Variants in MAOA observed in about 807,000 individuals in gnomAD.
MAOA encodes monoamine oxidase A.
MAOA carries 6 observed loss-of-function variants against 42.0 expected under a neutral mutation model. That is an observed-to-expected ratio of 0.14 (90% CI 0.08 to 0.28). The LOEUF (loss-of-function observed/expected upper bound fraction) is 0.28, where lower values mean the gene tolerates loss of function less well. MAOA is among the 10% of genes least tolerant of loss of function. MAOA has a pLI of 1.00. For missense variants in MAOA, 262 were observed against 422.3 expected (o/e 0.62, Z 3.33); for synonymous variants, 140 against 154.0 (o/e 0.91, Z 0.67).
intron 1 of MAOA, among the ~76,000 whole-genome samples, chrX:43,666,731 TG>T (rs2033281937): frequency 9.0e-6 from 1 of 111,149 alleles, no homozygotes; most frequent in South Asian, 3.8e-4. Flanking sequence ...CCTAGAGTTT[TG>T]ATGTGGTCTA....
Position 43,745,638 on chromosome X carries a change from C to T in MAOA, c.*1125C>T, listed in dbSNP as rs1237848654. The T allele has an allele frequency of 9.0e-6, 1 of 111,172 alleles. No homozygotes were observed. Among genetic ancestry groups the T allele is most frequent in the Non-Finnish European group, 1.9e-5 (1 of 53,010 alleles). The allele number at this position is 111,172 out of a possible 1,213,427, so 9.2% of individuals were successfully genotyped here. A position where few individuals can be genotyped will look rare whatever the true frequency, so the allele number is the denominator to read the frequency against. On this transcript the variant is annotated 3_prime_UTR_variant, in exon 15 of 15. Coordinates refer to ENST00000338702, the MANE Select transcript of MAOA (RefSeq NM_000240.4). The stretch of plus-strand genomic sequence containing the variant: ...CTCTAATTTCCTTAAAGCAAGCTCA[C>T]TTGCTTTAGTTGTTAAGTTTTATAA...
chrX:43,686,938 A>G (rs192943992), intron 2 of MAOA, among the ~76,000 whole-genome samples: 1 of 112,421 alleles, frequency 8.9e-6, no homozygotes, highest in Admixed American at 9.4e-5. Flanking sequence ...AAAAGCTACT[A>G]TGGATCTCTG....
rs1601951478 is a variant in MAOA, at chrX:43,744,116, A to G, written c.1382A>G (p.Asn461Ser). The part of the protein sequence containing the change: ...AGERAAREVL[N>S]GLGKVTEKDI... ...ATGGTGACTTTCTTTCAGGTCTTAA[A>G]TGGTCTCGGGAAGGTGACCGAGAAA... Residue 461 changes from asparagine (N) to serine (S), a missense_variant, in exon 14 of 15, where the codon AAT (asparagine) becomes AGT (serine). This residue lies in a region of MAOA where 86 missense variants were observed against 190.3 expected (regional missense o/e 0.45). Coordinates refer to ENST00000338702, the MANE Select transcript of MAOA (RefSeq NM_000240.4). The G allele has an allele frequency of 1.7e-6, 2 of 1,206,965 alleles. No individual in the cohort carries two copies. Among genetic ancestry groups the G allele is most frequent in the East Asian group, 3.0e-5 (1 of 33,713 alleles).
chrX:43,742,033 G>A lies in MAOA; in HGVS notation c.1248G>A (p.Met416Ile), dbSNP rs772161607. The change falls in exon 12 of 15, where the codon ATG (methionine) becomes ATA (isoleucine). Residue 416 changes from methionine (M) to isoleucine (I), a missense_variant. Around this residue, in one of 3 missense-constraint regions of MAOA, gnomAD observed 86 missense variants for 190.3 expected, o/e 0.45. Transcript: ENST00000338702. ...CYTAYFPPGI[M>I]TQYGRVIRQP... ...CGGCCTACTTCCCTCCTGGGATCAT[G>A]ACTCAATATGGAAGGTATTACGCAA... The A allele has an allele frequency of 2.9e-5, 35 of 1,209,823 alleles. No individual in the cohort carries two copies. In the African/African-American group the frequency reaches 4.4e-4, roughly 15 times the overall value.
chrX:43,687,732 C>T (rs939962555), intron 2 of MAOA, among the ~76,000 whole-genome samples: 2 of 112,700 alleles, frequency 1.8e-5, no homozygotes, highest in African/African-American at 6.5e-5. Flanking sequence ...GACTTCTGAT[C>T]TTCCTTAAGG....
At chrX:43,740,640 C>T in intron 10 of MAOA, 41 bp from the exon 11 acceptor site, 3 of 1,111,622 alleles carry the variant, frequency 2.7e-6, no homozygotes, top group Non-Finnish European at 3.6e-6. Context: ...GTTACTCCTT[C>T]CCTAACTTTA....
intron 5 of MAOA, among the ~76,000 whole-genome samples, chrX:43,727,356 A>G (rs1363767899): frequency 3.6e-5 from 4 of 112,243 alleles, no homozygotes; most frequent in Non-Finnish European, 5.6e-5. Flanking sequence ...CCTTTTGTTC[A>G]GAGATGCCCT....
At chrX:43,731,619 A>G in intron 7 of MAOA, 75 bp from the exon 8 acceptor site, 1 of 1,042,659 alleles carries the variant, frequency 9.6e-7, no homozygotes, top group Non-Finnish European at 1.3e-6. Context: ...TAGAAGTGAT[A>G]AAGATGATTT....
intron 5 of MAOA, among the ~76,000 whole-genome samples, chrX:43,720,410 G>A (rs2033779780): frequency 9.1e-6 from 1 of 109,992 alleles, no homozygotes; most frequent in Admixed American, 9.7e-5. Flanking sequence ...CCAGGAATGA[G>A]CCACATGGGA....
intron 1 of MAOA, among the ~76,000 whole-genome samples, chrX:43,679,172 C>T (rs375192618): frequency 1.5e-4 from 16 of 108,073 alleles, no homozygotes; most frequent in African/African-American, 5.3e-4. Context: ...AATGTAGAAA[C>T]AACTACTTTC....
intron 2 of MAOA, 74 bp downstream of exon 2, chrX:43,683,681 G>A: frequency 1.2e-6 from 1 of 852,785 alleles, no homozygotes; most frequent in Admixed American, 2.2e-5. Flanking sequence ...GAAATCACAG[G>A]GCTAGAGGAG....
At chrX:43,704,215 AT>A (rs2033643867) in intron 3 of MAOA, among the ~76,000 whole-genome samples, 1 of 111,641 alleles carries the variant, frequency 9.0e-6, no homozygotes. Context: ...ATATCCCTAT[AT>A]AGAGATGCAA....
intron 3 of MAOA, among the ~76,000 whole-genome samples, chrX:43,704,387 G>T (rs1172484733): frequency 9.0e-6 from 1 of 111,544 alleles, no homozygotes; most frequent in East Asian, 2.8e-4. Context: ...AGGACCAATA[G>T]CACGTGATCA....
chrX:43,671,456 A>G (rs1169436865), intron 1 of MAOA, among the ~76,000 whole-genome samples: 2 of 111,838 alleles, frequency 1.8e-5, no homozygotes, highest in East Asian at 5.6e-4. Context: ...ATTAGATCCC[A>G]TTTGTCAATT....
In MAOA at chrX:43,746,070, G is replaced by A. The variant is rs2033996966; in HGVS notation, c.*1557G>A. On this transcript the variant is annotated 3_prime_UTR_variant, in exon 15 of 15. Coordinates refer to ENST00000338702, the MANE Select transcript of MAOA (RefSeq NM_000240.4). ...TTGGATACGCTCCAGTACATAAGGA[G>A]TTGCCGCATATTATATCAGACTGCT... 9.0e-6 allele frequency: 1 copy of A among 111,704 alleles called. No individual in the cohort carries two copies. The highest frequency in any genetic ancestry group is 9.5e-5 in the Admixed American group (1 of 10,495). The allele number at this position is 111,704 out of a possible 1,213,427, so 9.2% of individuals were successfully genotyped here. A position where few individuals can be genotyped will look rare whatever the true frequency, so the allele number is the denominator to read the frequency against.
At chrX:43,707,371 T>G (rs759969932) in intron 3 of MAOA, among the ~76,000 whole-genome samples, 1 of 111,589 alleles carries the variant, frequency 9.0e-6, no homozygotes, top group Non-Finnish European at 1.9e-5. Flanking sequence ...CACGGACTTT[T>G]GAGGATACAA....
intron 5 of MAOA, among the ~76,000 whole-genome samples, chrX:43,722,764 C>T (rs760981169): frequency 2.5e-4 from 28 of 111,660 alleles, no homozygotes; most frequent in African/African-American, 8.5e-4. Flanking sequence ...CTTTGTCCAT[C>T]CCTATGTCCT....
At chrX:43,666,172 G>T (rs765458521) in intron 1 of MAOA, among the ~76,000 whole-genome samples, 7 of 112,011 alleles carry the variant, frequency 6.2e-5, no homozygotes, top group Non-Finnish European at 1.3e-4. Flanking sequence ...ACTGCAACGT[G>T]CAGGCTCCAT....
chrX:43,735,876 T>C (rs1202529917), intron 9 of MAOA, among the ~76,000 whole-genome samples: 1 of 113,243 alleles, frequency 8.8e-6, no homozygotes, highest in Non-Finnish European at 1.9e-5. Flanking sequence ...TTTTTCCAGC[T>C]TTGATAAAGT....
Sources: allele counts gnomAD v4.1 joint callset (sites outside exome capture counted in the v4.1 genomes callset), GRCh38; gene constraint gnomAD v4.1.1; regional missense constraint gnomAD v4.1.1; transcripts MANE v1.5; gene names NCBI Gene and HGNC (gene_info 2026-07-23, HGNC 2026-07-21).